The following MYRFL variants were observed in gnomAD, a reference collection of about 807,000 sequenced individuals.
The protein encoded by MYRFL is myelin regulatory factor-like protein.
A neutral mutation model predicts 109.4 loss-of-function variants in MYRFL; 88 were observed. The ratio of observed to expected loss-of-function variants is 0.80; its 90% CI spans 0.68 to 0.96. The LOEUF is 0.96. Among genes scored for constraint, MYRFL ranks in the 40% least tolerant of loss-of-function variants. The probability of loss-of-function intolerance (pLI) is 0.00; values close to 1 mark genes in which losing one functional copy is unlikely to be tolerated. For missense variants in MYRFL, 957 were observed against 954.9 expected (o/e 1.00, Z -0.03); for synonymous variants, 324 against 320.9 (o/e 1.01, Z -0.10).
chr12:69,880,304 T>G lies in MYRFL; in HGVS notation c.556+12T>G, dbSNP rs757135443. On this transcript the variant is annotated intron_variant, in intron 5 of 24. Coordinates refer to ENST00000552032, the MANE Select transcript of MYRFL (RefSeq NM_182530.3). ...CCACTGCAGACCGAGTGAGCAAACC[T>G]GGGTGGGAACAAGGGCGATGCCATC... 13 of 702,218 alleles carry G rather than the reference T, an allele frequency of 1.9e-5. No homozygotes were observed. The highest frequency in any genetic ancestry group is 5.2e-6 in the Non-Finnish European group (2 of 384,634). The allele number at this position is 702,218 out of a possible 1,614,324, so 43.5% of individuals were successfully genotyped here.
chr12:69,940,021 G>A (rs1445339082), intron 19 of MYRFL, among the ~76,000 whole-genome samples: 1 of 151,440 alleles, frequency 6.6e-6, no homozygotes, highest in Non-Finnish European at 1.5e-5. Context: ...AAAAAGAAAT[G>A]AGCAAAGCCT....
chr12:69,886,759 A>AG, intron 5 of MYRFL, 61 bp from the exon 6 acceptor site: 2 of 1,522,044 alleles, frequency 1.3e-6, no homozygotes, highest in Non-Finnish European at 1.8e-6. Context: ...TCATGCTGCT[A>AG]GCTGTGAGTT....
intron 13 of MYRFL, among the ~76,000 whole-genome samples, chr12:69,919,759 T>G (rs149158825): frequency 6.6e-6 from 1 of 152,210 alleles, no homozygotes; most frequent in African/African-American, 2.4e-5. Flanking sequence ...ATTTTTACAA[T>G]GCTCGATTAC....
intron 5 of MYRFL, among the ~76,000 whole-genome samples, chr12:69,886,149 G>A (rs1053743897): frequency 1.2e-4 from 18 of 152,064 alleles, no homozygotes; most frequent in African/African-American, 3.9e-4. Context: ...TAACAAAACA[G>A]GCAAAAAACA....
intron 7 of MYRFL, among the ~76,000 whole-genome samples, chr12:69,892,362 T>C (rs11177932): frequency 0.16 from 24,107 of 152,136 alleles, 2,448 homozygotes; most frequent in African/African-American, 0.29. Flanking sequence ...TCATATCCAG[T>C]TCCTAAGAGG....
At chr12:69,944,420 A>G (rs1282864049) in intron 19 of MYRFL, among the ~76,000 whole-genome samples, 1 of 144,278 alleles carries the variant, frequency 6.9e-6, no homozygotes, top group Non-Finnish European at 1.5e-5. Context: ...CATTCTCAGT[A>G]AACTATCGCA....
chr12:69,887,361 A>G (rs1202502862), intron 6 of MYRFL, among the ~76,000 whole-genome samples: 2 of 152,200 alleles, frequency 1.3e-5, no homozygotes, highest in Non-Finnish European at 2.9e-5. Context: ...TTGTGAGCCA[A>G]TGACCACCCC....
chr12:69,925,332 C>T (rs971866017), intron 13 of MYRFL, among the ~76,000 whole-genome samples: 4 of 152,140 alleles, frequency 2.6e-5, no homozygotes, highest in African/African-American at 7.2e-5. Flanking sequence ...CTTTGAACTG[C>T]GTACACTAAG....
intron 13 of MYRFL, 119 bp downstream of exon 13, chr12:69,911,049 C>A: frequency 1.6e-6 from 1 of 606,648 alleles, no homozygotes; most frequent in Non-Finnish European, 2.8e-6. Context: ...AATAATTCTT[C>A]ACTGAGTTGT....
At chr12:69,926,114 C>CTT (rs1955066749) in intron 13 of MYRFL, among the ~76,000 whole-genome samples, 1 of 54,830 alleles carries the variant, frequency 1.8e-5, no homozygotes, top group Non-Finnish European at 3.6e-5. Flanking sequence ...CTTTCTTCTT[C>CTT]TTCTTTTTTT....
intron 1 of MYRFL, 135 bp downstream of exon 1, chr12:69,825,698 A>G (rs1882232509): frequency 6.5e-6 from 4 of 616,088 alleles, no homozygotes; most frequent in African/African-American, 3.7e-5. Flanking sequence ...CCTAATATCA[A>G]AAGTAGGGGT....
intron 1 of MYRFL, among the ~76,000 whole-genome samples, chr12:69,846,105 T>C (rs1192819354): frequency 5.9e-5 from 6 of 101,586 alleles, no homozygotes; most frequent in South Asian, 3.9e-4. Context: ...CTATTGACTA[T>C]CTTTTTTTTT....
At chr12:69,925,693 T>C (rs566524731) in intron 13 of MYRFL, among the ~76,000 whole-genome samples, 45 of 152,196 alleles carry the variant, frequency 3.0e-4, no homozygotes, top group Non-Finnish European at 5.6e-4. Context: ...GGGAAGAGGA[T>C]GGCCTGGACT....
chr12:69,881,933 C>T (rs1022320490), intron 5 of MYRFL, among the ~76,000 whole-genome samples: 11 of 152,094 alleles, frequency 7.2e-5, no homozygotes, highest in South Asian at 4.1e-4. Context: ...CCTAGCCAGA[C>T]GGGGGAACCA....
At chr12:69,943,897 A>G (rs1244059021) in intron 19 of MYRFL, among the ~76,000 whole-genome samples, 5 of 152,090 alleles carry the variant, frequency 3.3e-5, no homozygotes, top group African/African-American at 1.2e-4. Context: ...ACTTCTCAAA[A>G]GAAGACATTT....
At chr12:69,893,914 T>A (rs1592772698) in intron 8 of MYRFL, 74 bp downstream of exon 8, 3 of 438,978 alleles carry the variant, frequency 6.8e-6, no homozygotes, top group African/African-American at 2.1e-5. Flanking sequence ...TATATATATA[T>A]AATTTTATTT....
intron 6 of MYRFL, among the ~76,000 whole-genome samples, 154 bp from the exon 7 acceptor site, chr12:69,890,817 C>T (rs1281621363): frequency 1.3e-5 from 2 of 152,116 alleles, no homozygotes; most frequent in African/African-American, 2.4e-5. Context: ...TTTTTATTTC[C>T]TCATTAAAAA....
At chr12:69,840,847 A>G (rs1276999858) in intron 1 of MYRFL, among the ~76,000 whole-genome samples, 1 of 152,202 alleles carries the variant, frequency 6.6e-6, no homozygotes, top group Non-Finnish European at 1.5e-5. Context: ...TGACAGTTTT[A>G]GAAAACCCAC....
At chr12:69,935,300 C>T (rs1955412132) in intron 16 of MYRFL, among the ~76,000 whole-genome samples, 1 of 151,998 alleles carries the variant, frequency 6.6e-6, no homozygotes, top group African/African-American at 2.4e-5. Flanking sequence ...GGCAAGAAGT[C>T]AAGTCAGGTA....
Sources: gnomAD v4.1 joint callset for allele counts (sites outside exome capture counted in the v4.1 genomes callset) on GRCh38, gnomAD v4.1.1 for gene constraint, MANE v1.5 for transcripts, NCBI Gene and HGNC (gene_info 2026-07-23, HGNC 2026-07-21) for gene names.